The following PTK2 variants were observed in gnomAD, a reference collection of about 807,000 sequenced individuals.
PTK2 encodes the protein focal adhesion kinase 1.
Under a neutral mutation model 150.1 loss-of-function variants are expected in PTK2, and 45 were observed. That is an observed-to-expected ratio of 0.30 (90% CI 0.24 to 0.38). The LOEUF (loss-of-function observed/expected upper bound fraction) is 0.38, where lower values mean the gene tolerates loss of function less well. Among genes scored for constraint, PTK2 ranks in the 10% least tolerant of loss-of-function variants. The probability of loss-of-function intolerance (pLI) is 1.00; values close to 1 mark genes in which losing one functional copy is unlikely to be tolerated. For missense variants in PTK2, 919 were observed against 1,307.3 expected (o/e 0.70, Z 4.58); for synonymous variants, 432 against 449.2 (o/e 0.96, Z 0.48).
chr8:140,678,989 T>G (rs968671451), intron 27 of PTK2, among the ~76,000 whole-genome samples: 1 of 145,496 alleles, frequency 6.9e-6, no homozygotes, highest in African/African-American at 2.6e-5. Flanking sequence ...CACGGCCAGC[T>G]GAGTGCTCCC....
chr8:140,784,297 C>T (rs1334733407), intron 14 of PTK2, among the ~76,000 whole-genome samples: 1 of 152,080 alleles, frequency 6.6e-6, no homozygotes, highest in Non-Finnish European at 1.5e-5. Flanking sequence ...ATCTCTAGTG[C>T]CACATGTGTA....
chr8:140,831,369 A>G (rs2100115289), intron 7 of PTK2, among the ~76,000 whole-genome samples: 1 of 152,240 alleles, frequency 6.6e-6, no homozygotes, highest in Non-Finnish European at 1.5e-5. Context: ...GAGAAAAGGG[A>G]AATACAGGTA....
At chr8:140,926,421 C>A (rs1275914882) in intron 1 of PTK2, among the ~76,000 whole-genome samples, 1 of 152,138 alleles carries the variant, frequency 6.6e-6, no homozygotes, top group South Asian at 2.1e-4. Context: ...AGAGAAGAGT[C>A]TGGAAACAGG....
intron 13 of PTK2, 96 bp downstream of exon 13, chr8:140,793,258 A>C (rs2100089586): frequency 7.3e-7 from 1 of 1,369,818 alleles, no homozygotes; most frequent in Non-Finnish European, 1.0e-6. Context: ...ATGTATATTG[A>C]ATTTAATTTT....
exon 32 of PTK2, chr8:140,658,783 C>T: frequency 4.5e-6 from 1 of 224,234 alleles, no homozygotes; most frequent in Non-Finnish European, 8.9e-6. Flanking sequence ...AAAACTGGCA[C>T]ATTATTCTGT....
intron 31 of PTK2, chr8:140,662,886 CTA>C (rs1491202937): frequency 9.8e-6 from 4 of 409,624 alleles, no homozygotes; most frequent in Non-Finnish European, 1.7e-5. Context: ...ATCACTGAGC[CTA>C]TGTTTGTCAA....
At chr8:140,801,175 C>A (rs1318528978) in intron 11 of PTK2, among the ~76,000 whole-genome samples, 1 of 152,136 alleles carries the variant, frequency 6.6e-6, no homozygotes, top group African/African-American at 2.4e-5. Flanking sequence ...AGAAGAGTGA[C>A]GAGGCATCAG....
At chr8:140,716,029 T>C (rs1054321480) in intron 23 of PTK2, among the ~76,000 whole-genome samples, 6 of 152,252 alleles carry the variant, frequency 3.9e-5, no homozygotes, top group Non-Finnish European at 7.3e-5. Context: ...CAAATACTTA[T>C]GTTACTTTGC....
intron 7 of PTK2, among the ~76,000 whole-genome samples, chr8:140,843,772 C>G (rs1240095390): frequency 6.6e-6 from 1 of 151,544 alleles, no homozygotes; most frequent in Non-Finnish European, 1.5e-5. Context: ...CTGTATAGTC[C>G]ACACCCAGGT....
At chr8:140,939,869 G>C (rs2100175046) in intron 1 of PTK2, among the ~76,000 whole-genome samples, 1 of 152,094 alleles carries the variant, frequency 6.6e-6, no homozygotes, top group South Asian at 2.1e-4. Context: ...CTTTTAAAAG[G>C]GAGAGACTGA....
At chr8:140,879,753 T>C in intron 3 of PTK2, 116 bp from the exon 4 acceptor site, 2 of 855,700 alleles carry the variant, frequency 2.3e-6, no homozygotes, top group Non-Finnish European at 3.1e-6. Flanking sequence ...TAAAAAGTAA[T>C]GCAATGTTCA....
At chr8:140,913,301 T>C (rs2100163941) in intron 2 of PTK2, among the ~76,000 whole-genome samples, 1 of 147,050 alleles carries the variant, frequency 6.8e-6, no homozygotes, top group Non-Finnish European at 1.5e-5. Flanking sequence ...ATTAAACTTT[T>C]TTTTTTTTTT....
chr8:140,822,800 TTTTA>T (rs2100109571), intron 8 of PTK2, among the ~76,000 whole-genome samples: 1 of 152,224 alleles, frequency 6.6e-6, no homozygotes, highest in Admixed American at 6.5e-5. Flanking sequence ...AATGATGTGC[TTTTA>T]CAATGAATAA....
At chr8:140,906,504 A>G (rs1323143756) in intron 2 of PTK2, among the ~76,000 whole-genome samples, 1 of 152,202 alleles carries the variant, frequency 6.6e-6, no homozygotes, top group Non-Finnish European at 1.5e-5. Flanking sequence ...AAATCTTGTC[A>G]GCTGCAGCAA....
chr8:141,001,274 CG>C (rs1164947583), upstream of PTK2: 3 of 147,308 alleles, frequency 2.0e-5, no homozygotes, highest in Non-Finnish European at 3.0e-5. Flanking sequence ...CTCGCGCCCT[CG>C]AGGCCGTGCT....
chr8:140,717,842 G>A, intron 22 of PTK2, 133 bp from the exon 26 acceptor site: 4 of 644,444 alleles, frequency 6.2e-6, no homozygotes, highest in Non-Finnish European at 8.3e-6. Context: ...CTATACACAG[G>A]GGAAAGAAGG....
rs558167563 is a variant in PTK2 at position 140,694,101 on chromosome 8, C to T, written c.2499+6790G>A. 1.0e-3 allele frequency among the ~76,000 whole-genome samples: 149 copies of T among 147,236 alleles called. No homozygotes were observed. The South Asian group carries it at 0.021, about 20-fold the overall frequency. ...TGTCGCCCAGGCTGGAGTGCAGTGG[C>T]GCGATCTCGGCTCACTGCAAGCTCC... On this transcript the variant is annotated intron_variant, in intron 26 of 31. Coordinates refer to ENST00000522684, the Ensembl canonical transcript of PTK2.
At chr8:140,803,551 C>T (rs745795776) in exon 11 of PTK2, 5 of 1,609,448 alleles carry the variant, frequency 3.1e-6, no homozygotes, top group Non-Finnish European at 4.3e-6. Flanking sequence ...ACCTCGGGTG[C>T]ACCTGCTATT....
At chr8:140,805,937 C>A (rs1400044113) in intron 10 of PTK2, among the ~76,000 whole-genome samples, 1 of 152,102 alleles carries the variant, frequency 6.6e-6, no homozygotes, top group Non-Finnish European at 1.5e-5. Flanking sequence ...ATGATTTGAC[C>A]CCTGCCTGCC....
Sources: gnomAD v4.1 joint callset for allele counts (sites outside exome capture counted in the v4.1 genomes callset) on GRCh38, gnomAD v4.1.1 for gene constraint, MANE v1.5 for transcripts, NCBI Gene and HGNC (gene_info 2026-07-23, HGNC 2026-07-21) for gene names.